Variants in SH3TC1 observed in about 807,000 individuals in gnomAD.
SH3TC1 encodes the protein SH3 domain and tetratricopeptide repeat-containing protein 1.
SH3TC1 carries 135 observed loss-of-function variants against 117.3 expected under a neutral mutation model. The ratio of observed to expected loss-of-function variants is 1.15; its 90% CI spans 1.00 to 1.33. The LOEUF (loss-of-function observed/expected upper bound fraction) is 1.33. Ranked by LOEUF, SH3TC1 falls within the 40% of genes most tolerant of loss-of-function variation. The probability of loss-of-function intolerance (pLI) is 0.00; values close to 1 mark genes in which losing one functional copy is unlikely to be tolerated. For missense variants in SH3TC1, 2,092 were observed against 1,794.3 expected (o/e 1.17, Z -3.00); for synonymous variants, 898 against 816.9 (o/e 1.10, Z -1.69).
chr4:8,193,163 G>A (rs900345436), intron 1 of SH3TC1, among the ~76,000 whole-genome samples: 3 of 152,218 alleles, frequency 2.0e-5, no homozygotes, highest in African/African-American at 4.8e-5. Flanking sequence ...CCCAGAGCAC[G>A]TTTGCCTCCC....
rs750959470 is a variant in SH3TC1 at position 8,227,168 on chromosome 4, G to A, written c.1474G>A (p.Asp492Asn). The A allele has an allele frequency of 2.5e-6, 4 of 1,603,524 alleles. No homozygotes were observed. Among genetic ancestry groups the A allele is most frequent in the East Asian group, 4.5e-5 (2 of 44,718 alleles). The change falls in exon 12 of 18, where the codon GAC (aspartate) becomes AAC (asparagine). Residue 492 changes from aspartate (D) to asparagine (N), a missense_variant. Transcript: ENST00000245105. Reference protein sequence around the residue: ...EPSFCLEAEDDWEDPEALSSL... With the variant: ...EPSFCLEAEDNWEDPEALSSL... The stretch of plus-strand genomic sequence containing the variant: ...CTCCTTCTGCTTGGAAGCCGAGGAC[G>A]ACTGGGAGGACCCAGAGGCCCTGAG...
chr4:8,229,190 T>TG (rs1720884146), intron 12 of SH3TC1: 2 of 151,932 alleles, frequency 1.3e-5, no homozygotes, highest in Non-Finnish European at 2.9e-5. Context: ...ATGGGGCTTG[T>TG]GGGGTCCTTG....
chr4:8,198,915 G>A (rs779343895), upstream of SH3TC1, among the ~76,000 whole-genome samples: 2 of 152,224 alleles, frequency 1.3e-5, no homozygotes, highest in Non-Finnish European at 2.9e-5. Flanking sequence ...GCGTGTGTGT[G>A]TGCATGCATG....
chr4:8,231,833 C>G, intron 12 of SH3TC1, 143 bp from the exon 13 acceptor site: 2 of 879,828 alleles, frequency 2.3e-6, no homozygotes, highest in Non-Finnish European at 3.5e-6. Context: ...GCCCATGTCA[C>G]GGTGTGCTCA....
Position 8,209,782 on chromosome 4 carries a change from T to C in SH3TC1, c.207T>C (p.Ala69=). ...EAPPARVAGP[A]AGTPPCQMGV... ...CTCCTGCCCGCGTGGCTGGGCCTGC[T>C]GCTGGGACCCCTCCCTGCCAGATGG... Residue 69 remains alanine, a synonymous_variant, in exon 3 of 18, where the codon GCT becomes GCC. Coordinates refer to ENST00000245105, the MANE Select transcript of SH3TC1 (RefSeq NM_018986.5). The surrounding 1 kb of genome is among the most constrained non-coding windows in gnomAD (Gnocchi z 5.9). 6.2e-7 allele frequency: 1 copy of C among 1,613,718 alleles called. No individual in the cohort carries two copies. Among genetic ancestry groups the C allele is most frequent in the Non-Finnish European group, 8.5e-7 (1 of 1,180,000 alleles).
Position 8,212,746 on chromosome 4 carries a change from G to T in SH3TC1, c.293G>T (p.Arg98Leu). The T allele has an allele frequency of 6.2e-7, 1 of 1,612,866 alleles. No individual in the cohort carries two copies. Residue 98 changes from arginine (R) to leucine (L), a missense_variant, in exon 4 of 18, where the codon CGG (arginine) becomes CTG (leucine). Transcript: ENST00000245105. Reference protein sequence around the residue: ...LLAVRRKSRLRDPGLQQTLRG... With the variant: ...LLAVRRKSRLLDPGLQQTLRG... ...GCTGTGCGGAGGAAGAGCAGACTGC[G>T]GGACCCCGGCCTACAGCAGACCCTC... is the stretch of plus-strand genomic sequence containing the variant.
At chr4:8,191,396 C>T (rs571098404) in intron 1 of SH3TC1, among the ~76,000 whole-genome samples, 137 of 152,366 alleles carry the variant, frequency 9.0e-4, no homozygotes, top group African/African-American at 2.7e-3. Flanking sequence ...GCCACCCATC[C>T]GGCTGGGGTG....
intron 15 of SH3TC1, 21 bp from the exon 16 acceptor site, chr4:8,236,257 C>T (rs573156412): frequency 5.2e-6 from 8 of 1,533,342 alleles, no homozygotes; most frequent in African/African-American, 4.1e-5. Context: ...GGAAGCCTGA[C>T]CCCACCTGCC....
intron 1 of SH3TC1, among the ~76,000 whole-genome samples, chr4:8,184,871 CAATCTCAT>C (rs1717176833): frequency 5.7e-5 from 2 of 35,158 alleles, no homozygotes; most frequent in Non-Finnish European, 1.8e-4. Flanking sequence ...ATTCTTTTGT[CAATCTCAT>C]GAGATTGTCG....
chr4:8,228,492 T>TCTCGAGGCTGCC lies in SH3TC1; in HGVS notation c.2800_2811dup (p.Ser934_Pro937dup), dbSNP rs1408894416. ...TACCTCCTGGAGGCCGTGCGGCTGTTCTCGAGGCTGCCCCTTGGGGAGTGT... is the reference window on the plus strand; with the variant it reads ...TACCTCCTGGAGGCCGTGCGGCTGTTCTCGAGGCTGCCCTCGAGGCTGCCCCTTGGGGAGTGT... On this transcript the variant is annotated inframe_insertion, in exon 12 of 18. Transcript: ENST00000245105. 12 of 1,611,220 alleles carry TCTCGAGGCTGCC rather than the reference T, an allele frequency of 7.4e-6. No homozygotes were observed. In the South Asian group the frequency reaches 1.3e-4, roughly 18 times the overall value.
rs755695560 is a variant in SH3TC1, at chr4:8,235,558, G to A, written c.3405+3G>A. On this transcript the variant is annotated splice_donor_region_variant and intron_variant, in intron 15 of 17. Coordinates refer to ENST00000245105, the MANE Select transcript of SH3TC1 (RefSeq NM_018986.5). Reference sequence around the variant, plus strand: ...AGAAAGCTGTGTCCTTCTACCGGGTGAGCTGGCCTGTGGGCTGATGTGGGT... The same window carrying A: ...AGAAAGCTGTGTCCTTCTACCGGGTAAGCTGGCCTGTGGGCTGATGTGGGT... 3.8e-6 allele frequency: 6 copies of A among 1,591,860 alleles called. No individual in the cohort carries two copies. In the East Asian group the frequency reaches 6.8e-5, roughly 18 times the overall value.
chr4:8,235,923 G>A (rs990195804), intron 15 of SH3TC1: 13 of 360,314 alleles, frequency 3.6e-5, no homozygotes, highest in African/African-American at 6.3e-5. Flanking sequence ...CATGCACCCC[G>A]AAGCGGGGAC....
intron 5 of SH3TC1, among the ~76,000 whole-genome samples, chr4:8,215,474 C>T (rs1166217533): frequency 6.6e-6 from 1 of 152,170 alleles, no homozygotes; most frequent in African/African-American, 2.4e-5. Flanking sequence ...TGTGGCTGCC[C>T]ATCCACAGTG....
In SH3TC1 at chr4:8,227,447, GAA is replaced by G. The variant is rs1720586446; in HGVS notation, c.1754_1755del (p.Glu585GlyfsTer51). On this transcript the variant is annotated frameshift_variant, in exon 12 of 18. Transcript: ENST00000245105. LOFTEE classifies it high-confidence loss of function. ...KLSQARVYFE[E>X]ALGALEGSFG... ...GTCCCAGGCCCGGGTGTACTTTGAG[GAA>G]GCGCTGGGGGCCCTGGAGGGCAGCT... 4 of 1,560,972 alleles carry G rather than the reference GAA, an allele frequency of 2.6e-6. No individual in the cohort carries two copies. The African/African-American group carries it at 5.5e-5, about 21-fold the overall frequency.
At chr4:8,196,811 T>A (rs1578640576), upstream of SH3TC1, among the ~76,000 whole-genome samples, 1 of 151,604 alleles carries the variant, frequency 6.6e-6, no homozygotes, top group South Asian at 2.1e-4. This position sits in a 1 kb window ranked among gnomAD's most constrained non-coding sequence, Gnocchi z 4.6. Flanking sequence ...CAGGATGGGG[T>A]CCCTGGACCT....
At position 8,205,524 on chromosome 4, in the gene SH3TC1, G is replaced by T; in HGVS notation, c.172+158G>T. On this transcript the variant is annotated intron_variant, in intron 2 of 17. Coordinates refer to ENST00000245105, the MANE Select transcript of SH3TC1 (RefSeq NM_018986.5). The surrounding 1 kb of genome is among the most constrained non-coding windows in gnomAD (Gnocchi z 5.4). ...ATCACTTCTCGTTTCCTTCCCCCGC[G>T]TGTGTTTAACAGGAGCCACTGTGCC... is the stretch of plus-strand genomic sequence containing the variant. The T allele has an allele frequency of 1.9e-6, 2 of 1,077,510 alleles. No individual in the cohort carries two copies. The highest frequency in any genetic ancestry group is 2.9e-6 in the Non-Finnish European group (2 of 700,398). 66.7% of individuals were successfully genotyped at this position (1,077,510 alleles called of 1,614,324 possible).
Position 8,206,832 on chromosome 4 carries a change from C to T in SH3TC1, c.172+1466C>T, listed in dbSNP as rs1718247874. On this transcript the variant is annotated intron_variant, in intron 2 of 17. Coordinates refer to ENST00000245105, the MANE Select transcript of SH3TC1 (RefSeq NM_018986.5). This position sits in a 1 kb window ranked among gnomAD's most constrained non-coding sequence, Gnocchi z 5.5. ...AGGACTTTTACTTTGTGTGTGTACT[C>T]GTGTGTGTGTGTGTGTGTGTGTGTG... is the stretch of plus-strand genomic sequence containing the variant. Among the ~76,000 whole-genome samples the T allele has an allele frequency of 6.9e-6, 1 of 144,672 alleles. No individual in the cohort carries two copies. The highest frequency in any genetic ancestry group is 2.6e-5 in the African/African-American group (1 of 39,192). The allele number at this position is 144,672 out of a possible 152,430, so 94.9% of individuals were successfully genotyped here.
intron 9 of SH3TC1, among the ~76,000 whole-genome samples, chr4:8,220,321 T>C (rs3115219): frequency 0.28 from 42,721 of 151,998 alleles, 6,666 homozygotes; most frequent in Non-Finnish European, 0.36. Flanking sequence ...TCCTTCTGCC[T>C]GGGATGCCCC....
At chr4:8,221,591 C>T (rs974405973) in intron 9 of SH3TC1, among the ~76,000 whole-genome samples, 9 of 152,284 alleles carry the variant, frequency 5.9e-5, no homozygotes, top group South Asian at 2.1e-4. Context: ...TTCTCTCTTT[C>T]ACTTCTATTT....
Sources: allele counts gnomAD v4.1 joint callset (sites outside exome capture counted in the v4.1 genomes callset), GRCh38; gene constraint gnomAD v4.1.1; non-coding constraint Gnocchi (gnomAD v3.1); transcripts MANE v1.5; gene names NCBI Gene and HGNC (gene_info 2026-07-23, HGNC 2026-07-21).